Variants in C12orf56 observed in about 807,000 individuals in gnomAD.
C12orf56 encodes uncharacterized protein C12orf56.
A neutral mutation model predicts 69.9 loss-of-function variants in C12orf56; 71 were observed. The observed-to-expected ratio is 1.02, with a 90% CI of 0.84 to 1.24. C12orf56 has a LOEUF of 1.24. Ranked by LOEUF, C12orf56 falls within the 50% of genes most tolerant of loss-of-function variation. The pLI is 0.00. For synonymous variants in C12orf56, 276 were observed against 274.1 expected (o/e 1.01, Z -0.07); for missense variants, 732 against 738.5 (o/e 0.99, Z 0.10).
At position 64,325,372 on chromosome 12, in the gene C12orf56, A is replaced by AAAGAAGAAGAAG. The variant is rs537880682; in HGVS notation, c.488+5576_488+5587dup. ...AGCAAGACCCTGTCTAAAAAAAAAA[A>AAAGAAGAAGAAG]AAGAAGAAGAAGAAGAAGAAAAGAA... On this transcript the variant is annotated intron_variant, in intron 3 of 12. Coordinates refer to ENST00000543942, the MANE Select transcript of C12orf56 (RefSeq NM_001170633.2). 6.4e-5 allele frequency among the ~76,000 whole-genome samples: 9 copies of AAAGAAGAAGAAG among 141,444 alleles called. No individual in the cohort carries two copies. In the South Asian group the frequency reaches 6.9e-4, roughly 11 times the overall value. The allele number at this position is 141,444 out of a possible 152,430, so 92.8% of individuals were successfully genotyped here.
At chr12:64,381,239 G>A (rs1220340578) in intron 1 of C12orf56, among the ~76,000 whole-genome samples, 1 of 152,142 alleles carries the variant, frequency 6.6e-6, no homozygotes, top group East Asian at 1.9e-4. Flanking sequence ...GGGGCAATAA[G>A]ATCAGACAAC....
At chr12:64,331,321 C>A (rs937249095) in intron 2 of C12orf56, among the ~76,000 whole-genome samples, 2 of 151,940 alleles carry the variant, frequency 1.3e-5, no homozygotes, top group Non-Finnish European at 2.9e-5. Context: ...GGCAACATAA[C>A]GAGATGTCAT....
chr12:64,288,820 C>T (rs1026984750), intron 6 of C12orf56, among the ~76,000 whole-genome samples: 120 of 151,580 alleles, frequency 7.9e-4, no homozygotes, highest in Middle Eastern at 3.4e-3. Flanking sequence ...TTAGGATTGA[C>T]TTGGCGATGC....
intron 2 of C12orf56, among the ~76,000 whole-genome samples, chr12:64,347,688 G>T (rs1467857794): frequency 6.6e-6 from 1 of 152,104 alleles, no homozygotes; most frequent in Admixed American, 6.6e-5. Context: ...TATAAAAAGA[G>T]ATCTAATTAA....
chr12:64,304,410 G>T (rs1432163715), intron 5 of C12orf56, among the ~76,000 whole-genome samples: 2 of 152,104 alleles, frequency 1.3e-5, no homozygotes, highest in African/African-American at 4.8e-5. Context: ...GTACCACCTG[G>T]AATCATCTCC....
At chr12:64,277,650 A>ATATT (rs1555185573) in intron 9 of C12orf56, 30 bp downstream of exon 9, 1 of 1,393,482 alleles carries the variant, frequency 7.2e-7, no homozygotes, top group Non-Finnish European at 9.4e-7. Flanking sequence ...ATATATATAT[A>ATATT]ATAGTTTACC....
intron 2 of C12orf56, among the ~76,000 whole-genome samples, chr12:64,340,518 A>G (rs1026312133): frequency 2.0e-5 from 3 of 152,196 alleles, no homozygotes; most frequent in Non-Finnish European, 4.4e-5. Flanking sequence ...TAATACAACT[A>G]TCCTTTGTAC....
At chr12:64,331,248 C>T (rs1592460524) in intron 2 of C12orf56, among the ~76,000 whole-genome samples, 1 of 152,240 alleles carries the variant, frequency 6.6e-6, no homozygotes, top group African/African-American at 2.4e-5. Flanking sequence ...CACCTGTAAT[C>T]CCAACATTTT....
At chr12:64,343,168 A>G (rs2039096780) in intron 2 of C12orf56, among the ~76,000 whole-genome samples, 1 of 152,206 alleles carries the variant, frequency 6.6e-6, no homozygotes, top group Non-Finnish European at 1.5e-5. Flanking sequence ...CTTAGAAGGA[A>G]TATCTCGACA....
chr12:64,273,411 C>A (rs2038015140), intron 11 of C12orf56, among the ~76,000 whole-genome samples: 1 of 152,066 alleles, frequency 6.6e-6, no homozygotes, highest in Non-Finnish European at 1.5e-5. Context: ...TGACTGAATG[C>A]ATAAGTTTGA....
At chr12:64,275,742 A>G (rs2038042481) in intron 9 of C12orf56, among the ~76,000 whole-genome samples, 1 of 152,042 alleles carries the variant, frequency 6.6e-6, no homozygotes, top group South Asian at 2.1e-4. Flanking sequence ...AGCTAGGACT[A>G]CAGGTATGTG....
intron 6 of C12orf56, among the ~76,000 whole-genome samples, chr12:64,300,515 G>T (rs900493698): frequency 2.6e-4 from 40 of 152,216 alleles, no homozygotes; most frequent in African/African-American, 9.2e-4. Flanking sequence ...TTTAAATCCA[G>T]TCCCTGATTG....
At chr12:64,373,423 G>A (rs971645238) in intron 1 of C12orf56, among the ~76,000 whole-genome samples, 1 of 152,064 alleles carries the variant, frequency 6.6e-6, no homozygotes, top group Non-Finnish European at 1.5e-5. Context: ...GCACCCTAGC[G>A]TGGGCAACAG....
chr12:64,284,549 A>G (rs2038174209), intron 8 of C12orf56, 115 bp downstream of exon 8: 1 of 651,930 alleles, frequency 1.5e-6, no homozygotes, highest in Non-Finnish European at 2.5e-6. Context: ...AGTGAAATAT[A>G]CTTGGAAGGG....
chr12:64,322,731 C>T (rs2136846628), intron 3 of C12orf56, among the ~76,000 whole-genome samples: 1 of 152,332 alleles, frequency 6.6e-6, no homozygotes, highest in South Asian at 2.1e-4. Context: ...TGTTTCAAAT[C>T]TCTGTACATG....
At chr12:64,338,637 T>C (rs2039029949) in intron 2 of C12orf56, 1 of 1,592,722 alleles carries the variant, frequency 6.3e-7, no homozygotes, top group East Asian at 2.2e-5. Context: ...TATTCCATAA[T>C]CTTTAGTCTT....
At chr12:64,312,053 G>A (rs970700979) in intron 5 of C12orf56, among the ~76,000 whole-genome samples, 2 of 152,146 alleles carry the variant, frequency 1.3e-5, no homozygotes, top group East Asian at 3.9e-4. Context: ...AGGGGAGAGA[G>A]GAGGCAAGGG....
chr12:64,336,207 A>T (rs2038994552), intron 2 of C12orf56, among the ~76,000 whole-genome samples: 1 of 152,168 alleles, frequency 6.6e-6, no homozygotes, highest in Non-Finnish European at 1.5e-5. Flanking sequence ...TCTATCTTGT[A>T]ATGTAGCTGG....
At chr12:64,303,879 A>G in intron 5 of C12orf56, 100 bp from the exon 6 acceptor site, 1 of 1,311,800 alleles carries the variant, frequency 7.6e-7, no homozygotes, top group Non-Finnish European at 1.0e-6. Context: ...CTTTGTTACT[A>G]ATGGGATTTT....
Sources: gnomAD v4.1 joint callset for allele counts (sites outside exome capture counted in the v4.1 genomes callset) on GRCh38, gnomAD v4.1.1 for gene constraint, MANE v1.5 for transcripts, NCBI Gene and HGNC (gene_info 2026-07-23, HGNC 2026-07-21) for gene names.